Variants in WWOX observed in about 807,000 individuals in gnomAD.
The protein encoded by WWOX is WW domain-containing oxidoreductase.
A neutral mutation model predicts 46.2 loss-of-function variants in WWOX; 69 were observed. The observed-to-expected ratio is 1.49, with a 90% confidence interval of 1.23 to 1.82. WWOX has a LOEUF of 1.82. Among genes scored for constraint, WWOX ranks in the 40% most tolerant of loss-of-function variants. The probability of loss-of-function intolerance (pLI) is 0.00; values close to 1 mark genes in which losing one functional copy is unlikely to be tolerated. For synonymous variants in WWOX, 359 were observed against 202.6 expected, an observed-to-expected ratio of 1.77 and a Z score of -6.56; for missense variants, 919 against 542.6, an observed-to-expected ratio of 1.69 and a Z score of -6.89.
At chr16:78,390,470 A>T (rs976887106) in intron 6 of WWOX, among the ~76,000 whole-genome samples, 1 of 152,222 alleles carries the variant, frequency 6.6e-6, no homozygotes. Flanking sequence ...GTTGAGAAAC[A>T]AGGGTGATTT....
intron 8 of WWOX, among the ~76,000 whole-genome samples, chr16:78,508,344 G>T (rs567505273): frequency 2.9e-4 from 24 of 83,066 alleles, no homozygotes; most frequent in East Asian, 1.7e-3. Context: ...TTTTTTTAAC[G>T]CTCATCAGCT....
chr16:79,041,689 G>T (rs1422294037), intron 8 of WWOX, among the ~76,000 whole-genome samples: 1 of 152,124 alleles, frequency 6.6e-6, no homozygotes, highest in African/African-American at 2.4e-5. Context: ...ACTGCAAATG[G>T]CAAGGGCATG....
chr16:79,083,175 C>T (rs992095738), intron 8 of WWOX, among the ~76,000 whole-genome samples: 3 of 152,136 alleles, frequency 2.0e-5, no homozygotes, highest in Non-Finnish European at 4.4e-5. Context: ...ACTGCGGTTC[C>T]CCTACTTGAG....
intron 8 of WWOX, among the ~76,000 whole-genome samples, chr16:78,889,291 A>G (rs964554354): frequency 7.2e-5 from 11 of 151,982 alleles, no homozygotes; most frequent in East Asian, 1.9e-4. Flanking sequence ...TCACACTGCA[A>G]TGGTGCATAG....
intron 8 of WWOX, among the ~76,000 whole-genome samples, chr16:78,596,391 G>C (rs919690493): frequency 1.3e-5 from 2 of 152,146 alleles, no homozygotes; most frequent in African/African-American, 4.8e-5. Context: ...GTGTACATCA[G>C]TGAAGAGGTA....
intron 5 of WWOX, among the ~76,000 whole-genome samples, chr16:78,211,621 G>A (rs2036562436): frequency 4.6e-5 from 7 of 152,162 alleles, no homozygotes; most frequent in Admixed American, 4.6e-4. Context: ...AGAAAAAAGA[G>A]GCTGCTGGAC....
intron 5 of WWOX, among the ~76,000 whole-genome samples, chr16:78,205,667 T>C (rs2036366631): frequency 6.6e-6 from 1 of 151,674 alleles, no homozygotes; most frequent in Non-Finnish European, 1.5e-5. Context: ...TCATCTACCC[T>C]TTCATACATC....
intron 5 of WWOX, among the ~76,000 whole-genome samples, chr16:78,236,704 C>G (rs1470454019): frequency 2.0e-5 from 3 of 152,134 alleles, no homozygotes; most frequent in Non-Finnish European, 4.4e-5. Flanking sequence ...CATAGTTAAA[C>G]ATGTGCTGAA....
chr16:78,537,887 G>C (rs7202327), intron 8 of WWOX, among the ~76,000 whole-genome samples: 147 of 152,276 alleles, frequency 9.7e-4, no homozygotes, highest in African/African-American at 3.4e-3. Context: ...TTCTCCGGAA[G>C]GTTGTCCGCG....
chr16:78,772,072 C>T (rs1429879834), intron 8 of WWOX, among the ~76,000 whole-genome samples: 1 of 152,078 alleles, frequency 6.6e-6, no homozygotes, highest in Non-Finnish European at 1.5e-5. Flanking sequence ...TTCAGGGGTA[C>T]ATGTGCAGGT....
intron 5 of WWOX, among the ~76,000 whole-genome samples, chr16:78,308,984 T>C (rs1256261716): frequency 6.6e-6 from 1 of 152,184 alleles, no homozygotes; most frequent in African/African-American, 2.4e-5. Context: ...CACAGAATGC[T>C]TGAATCCATG....
intron 8 of WWOX, among the ~76,000 whole-genome samples, chr16:78,599,650 G>A (rs1567671336): frequency 1.3e-5 from 2 of 152,200 alleles, no homozygotes; most frequent in Non-Finnish European, 2.9e-5. Flanking sequence ...TTGCTCCCGA[G>A]TCTCAGAGCG....
chr16:79,054,648 C>T (rs2048229789), intron 8 of WWOX, among the ~76,000 whole-genome samples: 2 of 152,022 alleles, frequency 1.3e-5, no homozygotes, highest in South Asian at 4.2e-4. Flanking sequence ...ATAGTGAGAC[C>T]TTGTCTCTAT....
intron 8 of WWOX, among the ~76,000 whole-genome samples, chr16:78,505,575 A>T (rs966656925): frequency 1.3e-5 from 2 of 152,180 alleles, no homozygotes; most frequent in Non-Finnish European, 2.9e-5. Context: ...TACAGCGCCC[A>T]GTGCCCTACC....
intron 5 of WWOX, among the ~76,000 whole-genome samples, chr16:78,320,288 A>G (rs371956866): frequency 2.6e-5 from 4 of 152,302 alleles, no homozygotes; most frequent in African/African-American, 7.2e-5. Flanking sequence ...TTTTACCTGC[A>G]TTTACTCAAC....
At chr16:78,248,690 C>T (rs1485695921) in intron 5 of WWOX, among the ~76,000 whole-genome samples, 4 of 151,866 alleles carry the variant, frequency 2.6e-5, no homozygotes, top group Non-Finnish European at 5.9e-5. Flanking sequence ...GAGGTGAGAT[C>T]GCACCACTGT....
chr16:78,506,892 T>G (rs2151481547), intron 8 of WWOX, among the ~76,000 whole-genome samples: 1 of 152,128 alleles, frequency 6.6e-6, no homozygotes. Flanking sequence ...TTTTGTATTT[T>G]TAGTAGAGAC....
intron 8 of WWOX, among the ~76,000 whole-genome samples, chr16:79,066,521 G>A (rs2048444729): frequency 6.6e-6 from 1 of 152,184 alleles, no homozygotes; most frequent in Admixed American, 6.5e-5. Context: ...GGGAGGAAGG[G>A]AGGGAAGGAA....
Position 78,887,080 on chromosome 16 carries a change from GTGTGTGTGTGTGTGTGTGTGTGTGTGT to G in WWOX, c.1057-324527_1057-324501del, listed in dbSNP as rs1567627167. ...CTGGCTATATGTGTGTGTGTGTGGT[GTGTGTGTGTGTGTGTGTGTGTGTGTGT>G]GTGTGTGTGTGTGTGTGTGTGTGTG... On this transcript the variant is annotated intron_variant, in intron 8 of 8. Coordinates refer to ENST00000566780, the MANE Select transcript of WWOX (RefSeq NM_016373.4). Among the ~76,000 whole-genome samples, 409 of 122,408 alleles carry G rather than the reference GTGTGTGTGTGTGTGTGTGTGTGTGTGT, an allele frequency of 3.3e-3. 10 individuals are homozygous for G. The highest frequency in any genetic ancestry group is 0.012 in the Middle Eastern group (3 of 246). The allele number at this position is 122,408 out of a possible 152,430, so 80.3% of individuals were successfully genotyped here. A position where few individuals can be genotyped will look rare whatever the true frequency, so the allele number is the denominator to read the frequency against.
Sources: allele counts gnomAD v4.1 joint callset (sites outside exome capture counted in the v4.1 genomes callset), GRCh38; gene constraint gnomAD v4.1.1; transcripts MANE v1.5; gene names NCBI Gene and HGNC (gene_info 2026-07-23, HGNC 2026-07-21).